NKAIN2: variants seen among roughly 807,000 people sequenced by gnomAD.
NKAIN2 encodes the protein sodium/potassium transporting ATPase interacting 2, also known as sodium/potassium-transporting ATPase subunit beta-1-interacting protein 2.
A neutral mutation model predicts 32.6 loss-of-function variants in NKAIN2; 14 were observed. That is an observed-to-expected ratio of 0.43 (90% CI 0.28 to 0.67). NKAIN2 has a LOEUF of 0.67. Ranked by LOEUF, NKAIN2 falls within the 30% of genes least tolerant of loss-of-function variation. The pLI is 0.17. For synonymous variants in NKAIN2, 80 were observed against 87.2 expected (o/e 0.92, Z 0.46); for missense variants, 198 against 258.3 (o/e 0.77, Z 1.60).
At chr6:124,527,315 TCA>T (rs147455325) in intron 3 of NKAIN2, among the ~76,000 whole-genome samples, 129 of 152,296 alleles carry the variant, frequency 8.5e-4, no homozygotes, top group African/African-American at 2.9e-3. Flanking sequence ...AAATATTATT[TCA>T]CCCCCTGCCA....
intron 2 of NKAIN2, among the ~76,000 whole-genome samples, chr6:124,330,493 C>T (rs1185637312): frequency 3.9e-5 from 6 of 152,156 alleles, no homozygotes; most frequent in Non-Finnish European, 7.3e-5. Flanking sequence ...AGACAAGGAC[C>T]TGGTAGCCTT....
intron 3 of NKAIN2, among the ~76,000 whole-genome samples, chr6:124,651,711 G>A (rs1263699720): frequency 6.6e-6 from 1 of 152,164 alleles, no homozygotes; most frequent in South Asian, 2.1e-4. Context: ...CCTAGTCAAG[G>A]AGCTTGTGGA....
At chr6:124,505,291 T>C (rs1778432776) in intron 3 of NKAIN2, among the ~76,000 whole-genome samples, 1 of 152,220 alleles carries the variant, frequency 6.6e-6, no homozygotes, top group African/African-American at 2.4e-5. Context: ...TTATATCACT[T>C]TCTTAACATA....
intron 1 of NKAIN2, among the ~76,000 whole-genome samples, chr6:123,827,980 G>A (rs1406051314): frequency 2.0e-5 from 3 of 152,034 alleles, no homozygotes; most frequent in African/African-American, 7.3e-5. Flanking sequence ...CCTATTCAAT[G>A]TGTATTACTT....
intron 1 of NKAIN2, among the ~76,000 whole-genome samples, chr6:124,094,975 G>A (rs1784591282): frequency 6.6e-6 from 1 of 152,080 alleles, no homozygotes; most frequent in African/African-American, 2.4e-5. Flanking sequence ...TACGAACAGA[G>A]TACTTAACTT....
chr6:124,680,032 C>G (rs1773541491), intron 4 of NKAIN2, among the ~76,000 whole-genome samples: 1 of 151,866 alleles, frequency 6.6e-6, no homozygotes, highest in East Asian at 1.9e-4. Context: ...CGATGAGCCA[C>G]CAAAATTTTC....
At chr6:124,234,710 G>A (rs895458562) in intron 1 of NKAIN2, among the ~76,000 whole-genome samples, 25 of 151,986 alleles carry the variant, frequency 1.6e-4, no homozygotes, top group Admixed American at 1.1e-3. Flanking sequence ...GGGATTTTAA[G>A]CTTATGTAGG....
rs1254950320 is a variant in NKAIN2, at chr6:123,879,643, G to A, written c.54+75389G>A. 4.6e-5 allele frequency among the ~76,000 whole-genome samples: 7 copies of A among 152,150 alleles called. No individual in the cohort carries two copies. The South Asian group carries it at 1.0e-3, about 23-fold the overall frequency. ...CAGTGTTCTAGCTAATAGGAAGGAGGAGCATCTGTTTTGAGAGCCCCCAGC... is the reference window on the plus strand; with the variant it reads ...CAGTGTTCTAGCTAATAGGAAGGAGAAGCATCTGTTTTGAGAGCCCCCAGC... On this transcript the variant is annotated intron_variant, in intron 1 of 6. Coordinates refer to ENST00000368417, the MANE Select transcript of NKAIN2 (RefSeq NM_001040214.3).
At chr6:124,206,431 A>G (rs993362948) in intron 1 of NKAIN2, among the ~76,000 whole-genome samples, 5 of 151,944 alleles carry the variant, frequency 3.3e-5, no homozygotes, top group Non-Finnish European at 7.4e-5. Flanking sequence ...GTAATATACC[A>G]AGTCTCAAGA....
chr6:124,814,537 T>G (rs1160752975), intron 5 of NKAIN2, among the ~76,000 whole-genome samples: 1 of 152,136 alleles, frequency 6.6e-6, no homozygotes, highest in Non-Finnish European at 1.5e-5. Context: ...AGTCCTTCCA[T>G]CAGAGCTTTA....
rs1050488774 is a variant in NKAIN2, at chr6:124,357,420, A to G, written c.273+2073A>G. On this transcript the variant is annotated intron_variant, in intron 3 of 6. Coordinates refer to ENST00000368417, the MANE Select transcript of NKAIN2 (RefSeq NM_001040214.3). ...ACAGTGCCAGAAGGAAGCAATGGTA[A>G]TTGGTAATGGAAAAATGTACAGAAA... Among the ~76,000 whole-genome samples the G allele has an allele frequency of 3.4e-4, 51 of 152,134 alleles. 1 individual carries two copies. The highest frequency in any genetic ancestry group is 1.2e-3 in the African/African-American group (51 of 41,416).
chr6:124,760,957 C>T (rs1036212556), intron 4 of NKAIN2, among the ~76,000 whole-genome samples: 1 of 152,154 alleles, frequency 6.6e-6, no homozygotes, highest in Non-Finnish European at 1.5e-5. Flanking sequence ...ACATAGTAGG[C>T]ACCCAGCAAA....
intron 2 of NKAIN2, among the ~76,000 whole-genome samples, chr6:124,286,891 C>T (rs971930141): frequency 9.2e-5 from 14 of 151,954 alleles, no homozygotes; most frequent in African/African-American, 3.1e-4. Context: ...ACCATGTTAG[C>T]CAGGCTGGTC....
At chr6:124,425,351 G>T (rs911929051) in intron 3 of NKAIN2, among the ~76,000 whole-genome samples, 6 of 152,022 alleles carry the variant, frequency 3.9e-5, no homozygotes, top group African/African-American at 1.4e-4. Context: ...TATAAGACCT[G>T]AAATCTTAAC....
chr6:124,410,337 A>AT (rs1419837160), intron 3 of NKAIN2, among the ~76,000 whole-genome samples: 9 of 152,138 alleles, frequency 5.9e-5, no homozygotes, highest in Non-Finnish European at 1.2e-4. Context: ...ATTTAGTGCT[A>AT]AAATTTCCCT....
chr6:124,385,425 C>G (rs1330987880), intron 3 of NKAIN2, among the ~76,000 whole-genome samples: 1 of 152,090 alleles, frequency 6.6e-6, no homozygotes, highest in Non-Finnish European at 1.5e-5. Flanking sequence ...ATCTCCACCT[C>G]AGCAATGCAC....
intron 2 of NKAIN2, among the ~76,000 whole-genome samples, chr6:124,317,312 A>C (rs1473105156): frequency 2.0e-5 from 3 of 152,128 alleles, no homozygotes; most frequent in African/African-American, 7.2e-5. Flanking sequence ...AGTACCTCTT[A>C]AGGTTCCACC....
chr6:124,524,304 T>C (rs1278215878), intron 3 of NKAIN2, among the ~76,000 whole-genome samples: 1 of 152,122 alleles, frequency 6.6e-6, no homozygotes. Context: ...CCTTTCCTCA[T>C]CTTGCAAATT....
intron 4 of NKAIN2, among the ~76,000 whole-genome samples, chr6:124,763,397 C>T (rs1379456656): frequency 4.6e-5 from 7 of 152,280 alleles, no homozygotes; most frequent in African/African-American, 7.2e-5. Context: ...TCATGGCAGA[C>T]GCAAAGAGGG....
Sources: allele counts gnomAD v4.1 joint callset (sites outside exome capture counted in the v4.1 genomes callset), GRCh38; gene constraint gnomAD v4.1.1; transcripts MANE v1.5; gene names NCBI Gene and HGNC (gene_info 2026-07-23, HGNC 2026-07-21).